Variants in PPARGC1A observed in about 807,000 individuals in gnomAD.
The protein encoded by PPARGC1A is PPARG coactivator 1 alpha.
A neutral mutation model predicts 88.7 loss-of-function variants in PPARGC1A; 25 were observed. That is an observed-to-expected ratio of 0.28 (90% CI 0.21 to 0.39). The LOEUF is 0.39. PPARGC1A is among the 10% of genes least tolerant of loss of function. The pLI, the probability that PPARGC1A is intolerant of heterozygous loss-of-function variation, is 1.00. For synonymous variants in PPARGC1A, 363 were observed against 355.6 expected, an observed-to-expected ratio of 1.02 and a Z score of -0.24; for missense variants, 880 against 968.7, an observed-to-expected ratio of 0.91 and a Z score of 1.22.
At chr4:24,144,029 G>T in the PPARGC1A span, among the ~76,000 whole-genome samples, 1 of 152,156 alleles carries the variant, frequency 6.6e-6, no homozygotes, top group African/African-American at 2.4e-5. Flanking sequence ...AGCCCCTACT[G>T]GCCACATGCT....
chr4:24,367,142 C>T, the PPARGC1A span, among the ~76,000 whole-genome samples: 1 of 152,152 alleles, frequency 6.6e-6, no homozygotes, highest in African/African-American at 2.4e-5. Context: ...GATTCGTAAT[C>T]ACTAGTAAGA....
intron 2 of PPARGC1A, among the ~76,000 whole-genome samples, chr4:23,867,171 C>T (rs971864106): frequency 6.6e-6 from 1 of 152,158 alleles, no homozygotes; most frequent in Non-Finnish European, 1.5e-5. Context: ...CATTTTTACT[C>T]CTCTATGTGT....
the PPARGC1A span, among the ~76,000 whole-genome samples, chr4:24,448,295 G>A: frequency 6.6e-6 from 1 of 152,138 alleles, no homozygotes; most frequent in Non-Finnish European, 1.5e-5. Context: ...CTAGAATGCT[G>A]GTAAGCAGAG....
the PPARGC1A span, among the ~76,000 whole-genome samples, chr4:24,095,705 A>T: frequency 6.6e-6 from 1 of 152,082 alleles, no homozygotes; most frequent in African/African-American, 2.4e-5. Context: ...AAGAACAGAA[A>T]CTTATTTCTC....
chr4:23,931,029 T>C, the PPARGC1A span, among the ~76,000 whole-genome samples: 3 of 152,132 alleles, frequency 2.0e-5, no homozygotes, highest in African/African-American at 7.2e-5. Context: ...TTTCCGTTGC[T>C]AGGGCCTCTG....
At chr4:24,317,619 C>T in the PPARGC1A span, among the ~76,000 whole-genome samples, 1 of 131,498 alleles carries the variant, frequency 7.6e-6, no homozygotes, top group Admixed American at 7.7e-5. Flanking sequence ...AAGGGCTGGC[C>T]CTAAAAAATT....
intron 10 of PPARGC1A, among the ~76,000 whole-genome samples, chr4:23,802,695 A>AAG (rs1719028572): frequency 1.3e-5 from 2 of 151,308 alleles, no homozygotes; most frequent in Non-Finnish European, 3.0e-5. Flanking sequence ...AAAAAAAAAA[A>AAG]AAAAAAGCTA....
the PPARGC1A span, among the ~76,000 whole-genome samples, chr4:24,040,658 G>A: frequency 5.9e-5 from 9 of 152,228 alleles, no homozygotes; most frequent in East Asian, 1.4e-3. Context: ...ATGCAACACC[G>A]GAGCTTACAG....
At chr4:24,319,661 G>T in the PPARGC1A span, among the ~76,000 whole-genome samples, 1 of 152,170 alleles carries the variant, frequency 6.6e-6, no homozygotes, top group Admixed American at 6.5e-5. Flanking sequence ...AGCTTAGTGA[G>T]CTTTACTTTT....
chr4:24,119,841 ATT>A, the PPARGC1A span, among the ~76,000 whole-genome samples: 9 of 152,114 alleles, frequency 5.9e-5, no homozygotes, highest in Non-Finnish European at 8.8e-5. Context: ...CTCCAAAATC[ATT>A]GTCTTATACT....
At chr4:24,272,025 G>C in the PPARGC1A span, among the ~76,000 whole-genome samples, 1 of 152,134 alleles carries the variant, frequency 6.6e-6, no homozygotes, top group African/African-American at 2.4e-5. Context: ...TGTGCTGACT[G>C]TTAGCTTCTG....
intron 2 of PPARGC1A, among the ~76,000 whole-genome samples, chr4:23,882,487 T>A (rs1385320950): frequency 6.6e-6 from 1 of 152,124 alleles, no homozygotes; most frequent in African/African-American, 2.4e-5. Flanking sequence ...TTAGCAGCAT[T>A]CCTTGTCTCT....
the PPARGC1A span, among the ~76,000 whole-genome samples, chr4:24,130,100 T>C: frequency 2.0e-5 from 3 of 152,154 alleles, no homozygotes; most frequent in Non-Finnish European, 4.4e-5. Flanking sequence ...TATACATATG[T>C]AACTAACCTG....
intron 5 of PPARGC1A, among the ~76,000 whole-genome samples, chr4:23,826,602 C>T (rs879757212): frequency 7.9e-5 from 12 of 152,198 alleles, no homozygotes; most frequent in African/African-American, 1.9e-4. Context: ...ATGTATTTTC[C>T]GCATTTTGAT....
chr4:24,450,556 A>G, the PPARGC1A span, among the ~76,000 whole-genome samples: 2 of 152,226 alleles, frequency 1.3e-5, no homozygotes, highest in African/African-American at 4.8e-5. Flanking sequence ...CTAGGAAAAT[A>G]TAACTGTTTC....
chr4:23,977,273 C>T, the PPARGC1A span, among the ~76,000 whole-genome samples: 22 of 152,314 alleles, frequency 1.4e-4, no homozygotes, highest in African/African-American at 5.3e-4. Flanking sequence ...CTAGTTCCCA[C>T]CTTCCTCTGC....
the PPARGC1A span, among the ~76,000 whole-genome samples, chr4:24,457,702 G>A: frequency 9.9e-5 from 15 of 151,940 alleles, no homozygotes; most frequent in African/African-American, 3.1e-4. Flanking sequence ...CCGACACCAC[G>A]CCTGGCTAAT....
the PPARGC1A span, among the ~76,000 whole-genome samples, chr4:24,232,174 AC>A: frequency 6.6e-6 from 1 of 151,456 alleles, no homozygotes; most frequent in African/African-American, 2.4e-5. Context: ...TCCGTTCTTT[AC>A]TTCTTGAGAG....
At chr4:24,390,261 A>G in the PPARGC1A span, among the ~76,000 whole-genome samples, 6 of 152,120 alleles carry the variant, frequency 3.9e-5, no homozygotes, top group Admixed American at 3.3e-4. Flanking sequence ...ATACAAATGA[A>G]GAGAAGATCA....
Sources: gnomAD v4.1 joint callset for allele counts (sites outside exome capture counted in the v4.1 genomes callset) on GRCh38, gnomAD v4.1.1 for gene constraint, MANE v1.5 for transcripts, NCBI Gene and HGNC (gene_info 2026-07-23, HGNC 2026-07-21) for gene names.